The following MALRD1 variants were observed in gnomAD, a reference collection of about 807,000 sequenced individuals.
MALRD1 encodes MAM and LDL receptor class A domain containing 1.
In MALRD1, 247 loss-of-function variants were observed where a neutral mutation model predicts 242.1. The ratio of observed to expected loss-of-function variants is 1.02; its 90% CI spans 0.92 to 1.13. The LOEUF (loss-of-function observed/expected upper bound fraction) is 1.13, where lower values mean the gene tolerates loss of function less well. MALRD1 is among the 50% of genes most tolerant of loss of function. The probability of loss-of-function intolerance (pLI) is 0.00; values close to 1 mark genes in which losing one functional copy is unlikely to be tolerated. For synonymous variants in MALRD1, 995 were observed against 866.6 expected, an observed-to-expected ratio of 1.15 and a Z score of -2.60; for missense variants, 2,989 against 2,533.1, an observed-to-expected ratio of 1.18 and a Z score of -3.86.
chr10:19,128,097 C>T, intron 7 of MALRD1, 124 bp from the exon 8 acceptor site: 1 of 578,648 alleles, frequency 1.7e-6, no homozygotes, highest in Non-Finnish European at 2.5e-6. Flanking sequence ...AACGCTCTAT[C>T]CTTTTAAGTA....
chr10:19,398,595 A>G (rs891190801), intron 28 of MALRD1, among the ~76,000 whole-genome samples: 1 of 152,174 alleles, frequency 6.6e-6, no homozygotes, highest in Non-Finnish European at 1.5e-5. Context: ...AGAAAATACC[A>G]GAACTTTAGT....
intron 23 of MALRD1, among the ~76,000 whole-genome samples, chr10:19,329,209 G>A (rs573334597): frequency 4.6e-5 from 7 of 152,176 alleles, no homozygotes; most frequent in South Asian, 2.1e-4. Context: ...CACTTACTAC[G>A]TGCAAAGCAC....
At chr10:19,183,115 GTT>G (rs71387051) in intron 14 of MALRD1, among the ~76,000 whole-genome samples, 48 of 137,876 alleles carry the variant, frequency 3.5e-4, no homozygotes, top group Admixed American at 1.1e-3. Flanking sequence ...TATTTTGAGG[GTT>G]TTTTTTTTTT....
chr10:19,159,256 T>C (rs992107017), intron 12 of MALRD1, among the ~76,000 whole-genome samples: 1 of 152,208 alleles, frequency 6.6e-6, no homozygotes, highest in African/African-American at 2.4e-5. Context: ...ATGTATGTGA[T>C]GAATGATCCC....
chr10:19,387,542 G>C lies in MALRD1; in HGVS notation c.4456G>C (p.Gly1486Arg). 2.6e-6 allele frequency: 4 copies of C among 1,550,124 alleles called. No individual in the cohort carries two copies. Among genetic ancestry groups the C allele is most frequent in the Non-Finnish European group, 3.5e-6 (4 of 1,146,766 alleles). Reference sequence around the variant, plus strand: ...TTTTGTTTTAGGTTTCTGCCCACTTGGCTATAGGGAATGTCATAATGGAAA... The same window carrying C: ...TTTTGTTTTAGGTTTCTGCCCACTTCGCTATAGGGAATGTCATAATGGAAA... Reference protein sequence around the residue: ...VPLPTGFCPLGYRECHNGKCY... With the variant: ...VPLPTGFCPLRYRECHNGKCY... Residue 1486 changes from glycine to arginine, a missense_variant, in exon 27 of 40, where the codon GGC becomes CGC. Coordinates refer to ENST00000454679, the MANE Select transcript of MALRD1 (RefSeq NM_001142308.3).
In MALRD1 at chr10:19,379,841, T is replaced by C. The variant is rs997520805; in HGVS notation, c.4442-7687T>C. On this transcript the variant is annotated intron_variant, in intron 26 of 39. Coordinates refer to ENST00000454679, the MANE Select transcript of MALRD1 (RefSeq NM_001142308.3). The stretch of plus-strand genomic sequence containing the variant: ...TTCTTCCATACATTTACTTTCTGTT[T>C]TATCAGTAACTGAAAGAAGGGTGGT... Among the ~76,000 whole-genome samples the C allele has an allele frequency of 3.9e-5, 6 of 152,200 alleles. No homozygotes were observed. In the South Asian group the frequency reaches 1.2e-3, roughly 31 times the overall value.
At chr10:19,269,921 C>G (rs1424571796) in intron 19 of MALRD1, among the ~76,000 whole-genome samples, 1 of 152,184 alleles carries the variant, frequency 6.6e-6, no homozygotes, top group Non-Finnish European at 1.5e-5. Context: ...TCAGTATGAA[C>G]TCATCGGTCT....
chr10:19,247,089 A>G (rs532700301), intron 18 of MALRD1, among the ~76,000 whole-genome samples: 3 of 152,258 alleles, frequency 2.0e-5, no homozygotes, highest in East Asian at 3.9e-4. Flanking sequence ...ATAATCAAAA[A>G]TAGTTGATTT....
intron 32 of MALRD1, among the ~76,000 whole-genome samples, chr10:19,554,092 G>A (rs1271072977): frequency 6.6e-6 from 1 of 152,188 alleles, no homozygotes; most frequent in Non-Finnish European, 1.5e-5. Context: ...GATGTAATAA[G>A]TAGGTTGGGT....
intron 36 of MALRD1, among the ~76,000 whole-genome samples, chr10:19,676,135 T>C (rs1842128363): frequency 1.3e-5 from 2 of 152,070 alleles, no homozygotes; most frequent in Non-Finnish European, 2.9e-5. Context: ...CAAGGAGGAA[T>C]TGAGATGAAA....
At chr10:19,402,357 G>T (rs964972881) in intron 28 of MALRD1, among the ~76,000 whole-genome samples, 6 of 152,120 alleles carry the variant, frequency 3.9e-5, no homozygotes, top group African/African-American at 1.2e-4. Context: ...ACGGGGCCAG[G>T]TGGAGATCAT....
chr10:19,301,542 A>G (rs1841950043), intron 21 of MALRD1, among the ~76,000 whole-genome samples: 1 of 151,934 alleles, frequency 6.6e-6, no homozygotes, highest in Non-Finnish European at 1.5e-5. Flanking sequence ...ATAGAGAAGA[A>G]TGAGATCATG....
chr10:19,372,196 G>A (rs973217228), intron 26 of MALRD1, among the ~76,000 whole-genome samples: 15 of 152,050 alleles, frequency 9.9e-5, no homozygotes, highest in Admixed American at 9.8e-4. Context: ...TATAGTTATA[G>A]TAATATGAAC....
chr10:19,633,876 T>C (rs1840017117), intron 36 of MALRD1: 1 of 149,822 alleles, frequency 6.7e-6, no homozygotes, highest in African/African-American at 2.5e-5. Flanking sequence ...TCTCACTCTG[T>C]CACCCAGGCT....
intron 6 of MALRD1, 91 bp from the exon 7 acceptor site, chr10:19,124,433 A>G (rs1457792711): frequency 3.7e-6 from 4 of 1,090,152 alleles, no homozygotes; most frequent in Non-Finnish European, 4.7e-6. Context: ...ATGTGTGTAT[A>G]TAAGCTTTTT....
At chr10:19,679,222 C>G (rs1842264546) in intron 36 of MALRD1, among the ~76,000 whole-genome samples, 1 of 152,142 alleles carries the variant, frequency 6.6e-6, no homozygotes, top group Admixed American at 6.6e-5. Flanking sequence ...GGAATAATTT[C>G]AGAAGGAATG....
At chr10:19,734,130 C>G (rs1835400456) in intron 39 of MALRD1, 27 bp from the exon 40 acceptor site, 17 of 1,505,194 alleles carry the variant, frequency 1.1e-5, no homozygotes, top group Non-Finnish European at 1.5e-5. Context: ...AAAATTCCAC[C>G]CTTTCAAATG....
At chr10:19,704,527 G>C (rs906631439) in intron 38 of MALRD1, among the ~76,000 whole-genome samples, 1 of 152,144 alleles carries the variant, frequency 6.6e-6, no homozygotes. Flanking sequence ...CGCTTTAATA[G>C]GGCTTCAAGA....
chr10:19,537,441 A>T (rs1182544217), intron 32 of MALRD1, among the ~76,000 whole-genome samples: 1 of 152,134 alleles, frequency 6.6e-6, no homozygotes, highest in Non-Finnish European at 1.5e-5. Context: ...TTGGTGTCTT[A>T]CCAGACCTTT....
Sources: allele counts gnomAD v4.1 joint callset (sites outside exome capture counted in the v4.1 genomes callset), GRCh38; gene constraint gnomAD v4.1.1; transcripts MANE v1.5; gene names NCBI Gene and HGNC (gene_info 2026-07-23, HGNC 2026-07-21).